The following CYP39A1 variants were observed in gnomAD, a reference collection of about 807,000 sequenced individuals.
CYP39A1 encodes 24-hydroxycholesterol 7-alpha-hydroxylase.
A neutral mutation model predicts 58.1 loss-of-function variants in CYP39A1; 49 were observed. The ratio of observed to expected loss-of-function variants is 0.84; its 90% CI spans 0.67 to 1.07. CYP39A1 has a LOEUF of 1.07. CYP39A1 is among the 50% of genes least tolerant of loss of function. The probability of loss-of-function intolerance (pLI) is 0.00; values close to 1 mark genes in which losing one functional copy is unlikely to be tolerated. For missense variants in CYP39A1, 531 were observed against 539.4 expected (o/e 0.98, Z 0.16); for synonymous variants, 209 against 187.6 (o/e 1.11, Z -0.93).
chr6:46,551,681 G>A (rs995910694), intron 11 of CYP39A1, among the ~76,000 whole-genome samples: 1 of 152,118 alleles, frequency 6.6e-6, no homozygotes, highest in Non-Finnish European at 1.5e-5. Context: ...ACTATGTTAA[G>A]TAAATTCCTT....
intron 7 of CYP39A1, among the ~76,000 whole-genome samples, chr6:46,605,321 C>A (rs773646585): frequency 6.6e-6 from 1 of 152,112 alleles, no homozygotes; most frequent in African/African-American, 2.4e-5. Context: ...GAAGACAAAG[C>A]TGGGGATTTC....
At chr6:46,592,983 A>T (rs146033248) in intron 8 of CYP39A1, among the ~76,000 whole-genome samples, 2 of 152,252 alleles carry the variant, frequency 1.3e-5, no homozygotes, top group East Asian at 3.9e-4. Context: ...AAAGTAAAAC[A>T]ATCTAAATTC....
intron 7 of CYP39A1, among the ~76,000 whole-genome samples, chr6:46,600,104 C>T (rs1444093407): frequency 6.6e-6 from 1 of 150,996 alleles, no homozygotes. Flanking sequence ...ACATAATAAG[C>T]CCCTTTCTTT....
intron 10 of CYP39A1, 79 bp from the exon 11 acceptor site, chr6:46,553,933 T>C (rs1203693111): frequency 5.5e-6 from 5 of 916,710 alleles, no homozygotes; most frequent in Non-Finnish European, 8.5e-6. Flanking sequence ...CTAGAAAGCA[T>C]ACATATTTCA....
At chr6:46,558,994 C>CAA (rs35310827) in intron 10 of CYP39A1, among the ~76,000 whole-genome samples, 29 of 48,972 alleles carry the variant, frequency 5.9e-4, no homozygotes, top group South Asian at 2.0e-3. Flanking sequence ...GACTCCATCT[C>CAA]AAAAAAAAAA....
At chr6:46,624,971 A>G (rs1038885396) in intron 7 of CYP39A1, among the ~76,000 whole-genome samples, 1 of 152,070 alleles carries the variant, frequency 6.6e-6, no homozygotes, top group African/African-American at 2.4e-5. Context: ...TTGTCTTTTA[A>G]TAATCCTTTG....
rs74771041 is a variant in CYP39A1, at chr6:46,649,891, G to A, written c.177+2515C>T. On this transcript the variant is annotated intron_variant, in intron 1 of 11. Coordinates refer to ENST00000275016, the MANE Select transcript of CYP39A1 (RefSeq NM_016593.5). ...TGGTCACCAAAGTTGTCTCTTCTCA[G>A]TCTTCTAGAGGAGCATGAGAAGCTG... 5.6e-4 allele frequency among the ~76,000 whole-genome samples: 86 copies of A among 152,276 alleles called. 1 individual carries two copies. In the East Asian group the frequency reaches 0.016, roughly 28 times the overall value.
At chr6:46,587,968 T>C in intron 9 of CYP39A1, 66 bp downstream of exon 9, 1 of 969,022 alleles carries the variant, frequency 1.0e-6, no homozygotes, top group Non-Finnish European at 1.5e-6. Flanking sequence ...AATTTCTGAA[T>C]TTACCCTTCT....
At chr6:46,598,672 G>A (rs1007559065) in intron 7 of CYP39A1, among the ~76,000 whole-genome samples, 5 of 152,122 alleles carry the variant, frequency 3.3e-5, no homozygotes, top group African/African-American at 1.2e-4. Context: ...ATAGACAAAT[G>A]TTTGGCATTC....
chr6:46,625,455 G>C lies in CYP39A1; in HGVS notation c.894C>G (p.Ala298=). The C allele has an allele frequency of 6.2e-7, 1 of 1,610,810 alleles. No homozygotes were observed. The highest frequency in any genetic ancestry group is 8.5e-7 in the Non-Finnish European group (1 of 1,178,312). ...ACACAGAAGATATGCCTTCCATAAT[G>C]GCCTTGTGGATATCAGGATGAGAAA... The part of the protein sequence containing the change: ...YVLSHPDIHK[A]IMEGISSVFG... The change falls in exon 7 of 12, where the codon GCC becomes GCG. Residue 298 remains alanine, a synonymous_variant. Transcript: ENST00000275016.
At chr6:46,625,215 TGAA>T (rs1775237757) in intron 7 of CYP39A1, among the ~76,000 whole-genome samples, 200 bp downstream of exon 7, 1 of 152,138 alleles carries the variant, frequency 6.6e-6, no homozygotes, top group African/African-American at 2.4e-5. Context: ...ATTTGGAAAA[TGAA>T]GGAGTTGCAC....
At position 46,652,596 on chromosome 6, in the gene CYP39A1, A is replaced by G. The variant is rs1401590847; in HGVS notation, c.-14T>C. 1 of 1,579,454 alleles carries G rather than the reference A, an allele frequency of 6.3e-7. No homozygotes were observed. On this transcript the variant is annotated 5_prime_UTR_variant, in exon 1 of 12. Coordinates refer to ENST00000275016, the MANE Select transcript of CYP39A1 (RefSeq NM_016593.5). The stretch of plus-strand genomic sequence containing the variant: ...AATTAGTTCCATGTTTTTGTCCAGC[A>G]CCTTCCAGAAGCAGAAAAGTGTGAA...
intron 10 of CYP39A1, among the ~76,000 whole-genome samples, chr6:46,576,317 C>G (rs899716041): frequency 6.6e-6 from 1 of 152,044 alleles, no homozygotes; most frequent in African/African-American, 2.4e-5. Context: ...GATGTAGATC[C>G]AAACCATATC....
chr6:46,640,291 T>C (rs1041743254), intron 2 of CYP39A1, among the ~76,000 whole-genome samples: 2 of 152,174 alleles, frequency 1.3e-5, no homozygotes, highest in African/African-American at 4.8e-5. Flanking sequence ...TCAGAGGCTG[T>C]TCTGTCTGCT....
At chr6:46,565,496 G>T (rs1296521502) in intron 10 of CYP39A1, among the ~76,000 whole-genome samples, 1 of 142,778 alleles carries the variant, frequency 7.0e-6, no homozygotes, top group African/African-American at 3.0e-5. Context: ...ATAAAAAAAA[G>T]AAGAAAATGG....
intron 5 of CYP39A1, among the ~76,000 whole-genome samples, chr6:46,634,183 G>C (rs1775825054): frequency 6.6e-6 from 1 of 152,172 alleles, no homozygotes; most frequent in African/African-American, 2.4e-5. Flanking sequence ...TCGTGATGGT[G>C]AATAAGTCCC....
In CYP39A1 at chr6:46,652,453, C is replaced by CA. The variant is rs774635237; in HGVS notation, c.129dup (p.Glu44Ter). The CA allele has an allele frequency of 6.2e-7, 1 of 1,613,858 alleles. No individual in the cohort carries two copies. Among genetic ancestry groups the CA allele is most frequent in the South Asian group, 1.1e-5 (1 of 90,990 alleles). ...AATTCTAGAGGGGCTTTCCCAAACTCAAATCCAACTCCAATCCAAGGAATC... is the reference window on the plus strand; with the variant it reads ...AATTCTAGAGGGGCTTTCCCAAACTCAAAATCCAACTCCAATCCAAGGAATC... On this transcript the variant is annotated frameshift_variant, in exon 1 of 12. Transcript: ENST00000275016. LOFTEE classifies it high-confidence loss of function.
intron 7 of CYP39A1, among the ~76,000 whole-genome samples, chr6:46,602,272 C>T (rs377340770): frequency 3.9e-5 from 6 of 151,996 alleles, no homozygotes; most frequent in South Asian, 2.1e-4. Context: ...ATTTGAAAGA[C>T]GTTTCTGAGG....
At chr6:46,634,961 G>T (rs528542627) in intron 5 of CYP39A1, among the ~76,000 whole-genome samples, 34 of 152,272 alleles carry the variant, frequency 2.2e-4, no homozygotes, top group African/African-American at 7.9e-4. Context: ...ATGTGTGTTT[G>T]TCTGGGTTGT....
Sources: gnomAD v4.1 joint callset for allele counts (sites outside exome capture counted in the v4.1 genomes callset) on GRCh38, gnomAD v4.1.1 for gene constraint, MANE v1.5 for transcripts, NCBI Gene and HGNC (gene_info 2026-07-23, HGNC 2026-07-21) for gene names.